The following PPM1K variants were observed in gnomAD, a reference collection of about 807,000 sequenced individuals.
The protein encoded by PPM1K is protein phosphatase Mn(2+)-dependent 1K.
A neutral mutation model predicts 32.6 loss-of-function variants in PPM1K; 19 were observed. The observed-to-expected ratio is 0.58, with a 90% CI of 0.41 to 0.86. PPM1K has a LOEUF of 0.86. PPM1K is among the 40% of genes least tolerant of loss of function. The pLI, the probability that PPM1K is intolerant of heterozygous loss-of-function variation, is 0.00. For synonymous variants in PPM1K, 159 were observed against 165.3 expected (o/e 0.96, Z 0.29); for missense variants, 362 against 461.2 (o/e 0.78, Z 1.97).
chr4:88,284,127 G>A (rs1732138895), intron 1 of PPM1K: 1 of 152,166 alleles, frequency 6.6e-6, no homozygotes, highest in Non-Finnish European at 1.5e-5. Context: ...GCGCAGTCTG[G>A]GCTGGAAACC....
intron 1 of PPM1K, chr4:88,279,218 A>T (rs1340511088): frequency 6.6e-6 from 1 of 152,280 alleles, no homozygotes; most frequent in Non-Finnish European, 1.5e-5. Context: ...GGCTAATAGA[A>T]TACTTAAAAT....
At chr4:88,280,097 A>C (rs576309038) in intron 1 of PPM1K, among the ~76,000 whole-genome samples, 1 of 152,278 alleles carries the variant, frequency 6.6e-6, no homozygotes, top group African/African-American at 2.4e-5. Flanking sequence ...GAACATCCTT[A>C]GGTGTTTATT....
intron 3 of PPM1K, among the ~76,000 whole-genome samples, chr4:88,272,811 T>C (rs141387515): frequency 0.014 from 2,186 of 152,328 alleles, 42 homozygotes; most frequent in Admixed American, 0.059. Context: ...TTTATTCTTT[T>C]CAAAATATCC....
chr4:88,268,246 C>A lies in PPM1K; in HGVS notation c.796G>T (p.Asp266Tyr), dbSNP rs771700320. 2.5e-6 allele frequency: 4 copies of A among 1,614,158 alleles called. No homozygotes were observed. Among genetic ancestry groups the A allele is most frequent in the South Asian group, 2.2e-5 (2 of 91,080 alleles). ...GRLAMTRSIG[D>Y]LDLKTSGVIA... ...ACACCACTGGTCTTAAGGTCCAAATCTCCAATACTTCTTGTCATTGCAAGC... is the reference window on the plus strand; with the variant it reads ...ACACCACTGGTCTTAAGGTCCAAATATCCAATACTTCTTGTCATTGCAAGC... The change falls in exon 5 of 7, where the codon GAT becomes TAT. Residue 266 changes from aspartate (D) to tyrosine (Y), a missense_variant. Transcript: ENST00000608933.
rs1259922261 is a variant in PPM1K at position 88,268,868 on chromosome 4, G to A, written c.580C>T (p.Leu194=). The A allele has an allele frequency of 2.5e-6, 4 of 1,613,652 alleles. No individual in the cohort carries two copies. In the African/African-American group the frequency reaches 5.3e-5, roughly 22 times the overall value. ...LTSGTTATVA[L]LRDGIELVVA... ...ACCAGTTCAATACCATCTCGCAATA[G>A]GGCTACTGTTGCAGTAGTCCCAGAG... is the stretch of plus-strand genomic sequence containing the variant. Residue 194 remains leucine, a synonymous_variant, in exon 4 of 7, where the codon CTA becomes TTA. Coordinates refer to ENST00000608933, the MANE Select transcript of PPM1K (RefSeq NM_152542.5).
chr4:88,276,315 GATT>G (rs1731766252), intron 3 of PPM1K: 1 of 985,238 alleles, frequency 1.0e-6, no homozygotes, highest in Admixed American at 6.1e-5. Context: ...TACAGATCAA[GATT>G]ATTGCATGAT....
At chr4:88,265,209 T>G in intron 5 of PPM1K, 74 bp from the exon 6 acceptor site, 2 of 1,570,880 alleles carry the variant, frequency 1.3e-6, no homozygotes, top group Non-Finnish European at 1.7e-6. Context: ...TTCAAAGATT[T>G]TACCTGTTTT....
intron 5 of PPM1K, among the ~76,000 whole-genome samples, chr4:88,265,376 C>A (rs1046707318): frequency 6.6e-6 from 1 of 152,100 alleles, no homozygotes; most frequent in Non-Finnish European, 1.5e-5. Flanking sequence ...CTTTCCCATG[C>A]CGTTTTCATA....
Position 88,268,325 on chromosome 4 carries a change from T to A in PPM1K, c.717A>T (p.Lys239Asn). The change falls in exon 5 of 7, where the codon AAA (lysine) becomes AAT (asparagine). Residue 239 changes from lysine (K) to asparagine (N), a missense_variant. Lys to Asn is a moderately conservative substitution (Grantham distance 94). Coordinates refer to ENST00000608933, the MANE Select transcript of PPM1K (RefSeq NM_152542.5). ...ERKDEKERIK[K>N]CGGFVAWNSL... The stretch of plus-strand genomic sequence containing the variant: ...TATTCCAAGCTACAAAACCACCACA[T>A]TTCTTGATCCTGTTAAAAGTTAAAT... 1 of 1,614,176 alleles carries A rather than the reference T, an allele frequency of 6.2e-7. No homozygotes were observed. The highest frequency in any genetic ancestry group is 1.6e-4 in the Middle Eastern group (1 of 6,062).
intron 3 of PPM1K, among the ~76,000 whole-genome samples, chr4:88,272,124 T>C (rs943110198): frequency 2.6e-5 from 4 of 152,124 alleles, no homozygotes; most frequent in African/African-American, 9.7e-5. Context: ...TATAAACCAA[T>C]ACAGTTTCAA....
Position 88,278,107 on chromosome 4 carries a change from G to T in PPM1K, c.440+37C>A. On this transcript the variant is annotated intron_variant, in intron 2 of 6. Coordinates refer to ENST00000608933, the MANE Select transcript of PPM1K (RefSeq NM_152542.5). This position sits in a 1 kb window ranked among gnomAD's most constrained non-coding sequence, Gnocchi z 4.2. ...GTGAAAGTTTAAGTAGGAAGTATAG[G>T]AACTGCAAAGTCAGGAGTGAAAGTC... 6.4e-7 allele frequency: 1 copy of T among 1,553,188 alleles called. No individual in the cohort carries two copies. The highest frequency in any genetic ancestry group is 8.8e-7 in the Non-Finnish European group (1 of 1,134,604).
intron 3 of PPM1K, 150 bp downstream of exon 3, chr4:88,276,993 A>C: frequency 1.5e-6 from 1 of 687,534 alleles, no homozygotes; most frequent in Non-Finnish European, 2.4e-6. Context: ...ATTTAATGTG[A>C]TTCTTCATAT....
chr4:88,262,854 C>T, intron 6 of PPM1K, 128 bp from the exon 7 acceptor site: 1 of 901,582 alleles, frequency 1.1e-6, no homozygotes, highest in Non-Finnish European at 1.6e-6. Flanking sequence ...TGTGCAGTTA[C>T]TAACCTACTT....
chr4:88,267,255 T>C lies in PPM1K; in HGVS notation c.852+935A>G, dbSNP rs879559860. Among the ~76,000 whole-genome samples, 507 of 119,990 alleles carry C rather than the reference T, an allele frequency of 4.2e-3. 1 individual carries two copies. Among genetic ancestry groups the C allele is most frequent in the Admixed American group, 5.9e-3 (67 of 11,444 alleles). The allele number at this position is 119,990 out of a possible 152,430, so 78.7% of individuals were successfully genotyped here. ...GCAGATGATGCTGGCTGATTGGGTG[T>C]GGGTGATGCTGGCTGATTGGGTGCA... On this transcript the variant is annotated intron_variant, in intron 5 of 6. Transcript: ENST00000608933.
intron 6 of PPM1K, among the ~76,000 whole-genome samples, chr4:88,263,703 C>T (rs1260385230): frequency 6.6e-6 from 1 of 152,134 alleles, no homozygotes; most frequent in East Asian, 1.9e-4. Flanking sequence ...ATCTCAGCCT[C>T]CCAAAGTGCT....
chr4:88,278,032 C>A lies in PPM1K; in HGVS notation c.440+112G>T. On this transcript the variant is annotated intron_variant, in intron 2 of 6. Coordinates refer to ENST00000608933, the MANE Select transcript of PPM1K (RefSeq NM_152542.5). This position sits in a 1 kb window ranked among gnomAD's most constrained non-coding sequence, Gnocchi z 4.2. Reference sequence around the variant, plus strand: ...CTACTGCTCATTCGTGAAGCAGCAGCATGCAACCACTCAAGTAACTATGTT... The same window carrying A: ...CTACTGCTCATTCGTGAAGCAGCAGAATGCAACCACTCAAGTAACTATGTT... 1 of 795,368 alleles carries A rather than the reference C, an allele frequency of 1.3e-6. No homozygotes were observed. The allele number at this position is 795,368 out of a possible 1,614,324, so 49.3% of individuals were successfully genotyped here. A position where few individuals can be genotyped will look rare whatever the true frequency, so the allele number is the denominator to read the frequency against.
intron 3 of PPM1K, among the ~76,000 whole-genome samples, chr4:88,271,486 T>C (rs1252570095): frequency 6.6e-6 from 1 of 152,116 alleles, no homozygotes; most frequent in Non-Finnish European, 1.5e-5. Flanking sequence ...AAAAACTATA[T>C]AAAAAAGTAT....
rs373738779 is a variant in PPM1K at position 88,261,693 on chromosome 4, TC to T, written c.*901del. On this transcript the variant is annotated 3_prime_UTR_variant, in exon 7 of 7. Coordinates refer to ENST00000608933, the MANE Select transcript of PPM1K (RefSeq NM_152542.5). ...ATCATCTGAATTAATTTCTTTTCTT[TC>T]TTTTTTTTTTTTTTTTTGAGATGGA... The T allele has an allele frequency of 2.0e-5, 3 of 150,500 alleles. No homozygotes were observed. Among genetic ancestry groups the T allele is most frequent in the Non-Finnish European group, 4.4e-5 (3 of 67,664 alleles). 9.3% of individuals were successfully genotyped at this position (150,500 alleles called of 1,614,324 possible). A position where few individuals can be genotyped will look rare whatever the true frequency, so the allele number is the denominator to read the frequency against.
Position 88,280,589 on chromosome 4 carries a change from C to T in PPM1K, c.-59-1947G>A, listed in dbSNP as rs570322263. The stretch of plus-strand genomic sequence containing the variant: ...AGACCAGTGGGCAACTTTGCAAAAC[C>T]CTGTCTCCACTAAAAATACAAAAAT... On this transcript the variant is annotated intron_variant, in intron 1 of 6. Coordinates refer to ENST00000608933, the MANE Select transcript of PPM1K (RefSeq NM_152542.5). Among the ~76,000 whole-genome samples, 7 of 152,262 alleles carry T rather than the reference C, an allele frequency of 4.6e-5. No individual in the cohort carries two copies. The South Asian group carries it at 1.5e-3, about 32-fold the overall frequency.
Sources: gnomAD v4.1 joint callset for allele counts (sites outside exome capture counted in the v4.1 genomes callset) on GRCh38, gnomAD v4.1.1 for gene constraint, Gnocchi (gnomAD v3.1) non-coding constraint, MANE v1.5 for transcripts, NCBI Gene and HGNC (gene_info 2026-07-23, HGNC 2026-07-21) for gene names.